Variants in QTMAN observed in about 807,000 individuals in gnomAD.
QTMAN encodes queuosine-tRNA mannosyltransferase, also known as tRNA-queuosine alpha-mannosyltransferase.
At chr2:143,944,261 A>T in the QTMAN span, 10 of 151,956 alleles carry the variant, frequency 6.6e-5, no homozygotes, top group Non-Finnish European at 1.3e-4. Flanking sequence ...ACACACACAC[A>T]CTCCTACATA....
At chr2:144,227,616 A>G in the QTMAN span, among the ~76,000 whole-genome samples, 2 of 152,218 alleles carry the variant, frequency 1.3e-5, no homozygotes, top group East Asian at 3.8e-4. Context: ...TGACCCAATT[A>G]CAGTTCCTGT....
At chr2:144,226,654 T>C in the QTMAN span, among the ~76,000 whole-genome samples, 1 of 152,114 alleles carries the variant, frequency 6.6e-6, no homozygotes, top group Non-Finnish European at 1.5e-5. Flanking sequence ...TTAAGTTCTA[T>C]CCATGCACAG....
the QTMAN span, among the ~76,000 whole-genome samples, chr2:144,315,937 T>C: frequency 6.6e-6 from 1 of 152,134 alleles, no homozygotes. Flanking sequence ...GGGGGACAAA[T>C]AGCAAAGCCA....
the QTMAN span, among the ~76,000 whole-genome samples, chr2:144,165,274 G>A: frequency 6.6e-6 from 1 of 152,084 alleles, no homozygotes; most frequent in Non-Finnish European, 1.5e-5. Flanking sequence ...GGAGGCTGAG[G>A]CTGGAGAATC....
the QTMAN span, among the ~76,000 whole-genome samples, chr2:144,150,563 T>C: frequency 1.3e-5 from 2 of 152,032 alleles, no homozygotes; most frequent in Non-Finnish European, 2.9e-5. Flanking sequence ...GAAAGCACAG[T>C]TCTGGATGAA....
At chr2:144,057,626 C>T in the QTMAN span, among the ~76,000 whole-genome samples, 1 of 152,264 alleles carries the variant, frequency 6.6e-6, no homozygotes, top group East Asian at 1.9e-4. Flanking sequence ...TTCTTCTAAT[C>T]ATGTGTCTAT....
the QTMAN span, among the ~76,000 whole-genome samples, chr2:144,163,035 T>C: frequency 6.4e-4 from 97 of 152,156 alleles, 1 homozygote; most frequent in Admixed American, 5.5e-3. Context: ...ACCCGGAATA[T>C]GAAAATGTGG....
chr2:144,201,794 C>T, the QTMAN span, among the ~76,000 whole-genome samples: 12 of 152,252 alleles, frequency 7.9e-5, no homozygotes, highest in Non-Finnish European at 1.6e-4. Context: ...CCATCCCACC[C>T]CTCAATGCTC....
At chr2:144,103,505 A>G in the QTMAN span, among the ~76,000 whole-genome samples, 2 of 152,240 alleles carry the variant, frequency 1.3e-5, no homozygotes, top group African/African-American at 2.4e-5. Context: ...CTCTATTTAC[A>G]TAACAATTTT....
At chr2:144,091,827 A>G in the QTMAN span, among the ~76,000 whole-genome samples, 1 of 152,232 alleles carries the variant, frequency 6.6e-6, no homozygotes, top group Non-Finnish European at 1.5e-5. Context: ...GTATATCCAT[A>G]CAACGACATA....
At chr2:144,073,859 C>T in the QTMAN span, among the ~76,000 whole-genome samples, 8,852 of 152,230 alleles carry the variant, frequency 0.058, 870 homozygotes, top group African/African-American at 0.2. Flanking sequence ...ATTTATTAAA[C>T]TCATGGACTC....
chr2:144,312,874 G>C, the QTMAN span, among the ~76,000 whole-genome samples: 5 of 152,232 alleles, frequency 3.3e-5, no homozygotes, highest in East Asian at 1.9e-4. Flanking sequence ...CACCATAACT[G>C]TAAGTTTCCT....
At chr2:144,286,092 G>C in the QTMAN span, among the ~76,000 whole-genome samples, 6 of 152,288 alleles carry the variant, frequency 3.9e-5, no homozygotes, top group East Asian at 1.2e-3. Context: ...AACACACTAA[G>C]AAGATGCTCA....
the QTMAN span, among the ~76,000 whole-genome samples, chr2:144,067,652 G>A: frequency 6.6e-6 from 1 of 152,182 alleles, no homozygotes; most frequent in East Asian, 1.9e-4. Context: ...TGTGTCTAGG[G>A]TACCGCCAGA....
At chr2:144,265,354 G>C in the QTMAN span, among the ~76,000 whole-genome samples, 1,337 of 152,224 alleles carry the variant, frequency 8.8e-3, 14 homozygotes, top group African/African-American at 0.03. Flanking sequence ...CAAAATATGG[G>C]AAACATATCT....
the QTMAN span, chr2:143,940,449 T>C: frequency 1.3e-5 from 2 of 152,218 alleles, no homozygotes; most frequent in African/African-American, 4.8e-5. Context: ...ATACCATTGG[T>C]ATTTATTACT....
the QTMAN span, among the ~76,000 whole-genome samples, chr2:144,130,399 A>G: frequency 6.6e-6 from 1 of 151,942 alleles, no homozygotes; most frequent in Non-Finnish European, 1.5e-5. Context: ...AGTTAGTACT[A>G]GAGAAAGCAA....
chr2:143,950,497 G>A, the QTMAN span, among the ~76,000 whole-genome samples: 3 of 151,414 alleles, frequency 2.0e-5, no homozygotes, highest in African/African-American at 7.3e-5. Flanking sequence ...AGAATAACAG[G>A]GTTAAGCAAT....
chr2:144,052,101 T>G, the QTMAN span, among the ~76,000 whole-genome samples: 1 of 152,198 alleles, frequency 6.6e-6, no homozygotes, highest in East Asian at 1.9e-4. Context: ...AACCGAACAG[T>G]GCCAGCACAT....
Sources: allele counts gnomAD v4.1 joint callset (sites outside exome capture counted in the v4.1 genomes callset), GRCh38; gene constraint gnomAD v4.1.1; transcripts MANE v1.5; gene names NCBI Gene and HGNC (gene_info 2026-07-23, HGNC 2026-07-21).